Variants in PARD6B observed in about 807,000 individuals in gnomAD.
PARD6B encodes partitioning defective 6 homolog beta.
PARD6B carries 4 observed loss-of-function variants against 10.5 expected under a neutral mutation model. The observed-to-expected ratio is 0.38, with a 90% CI of 0.19 to 0.87. The LOEUF is 0.87. PARD6B is among the 40% of genes least tolerant of loss of function. The probability of loss-of-function intolerance (pLI) is 0.41; values close to 1 mark genes in which losing one functional copy is unlikely to be tolerated. For missense variants in PARD6B, 396 were observed against 470.6 expected (o/e 0.84, Z 1.47); for synonymous variants, 169 against 170.4 (o/e 0.99, Z 0.07).
In PARD6B at chr20:50,750,283, A is replaced by G. The variant is rs2087594104; in HGVS notation, c.914A>G (p.Gln305Arg). 6.2e-7 allele frequency: 1 copy of G among 1,614,150 alleles called. No individual in the cohort carries two copies. The change falls in exon 3 of 3, where the codon CAG becomes CGG. Residue 305 changes from glutamine (Q) to arginine (R), a missense_variant. This residue lies in a region of PARD6B where 188 missense variants were observed against 169.7 expected (regional missense o/e 1.11). Coordinates refer to ENST00000371610, the MANE Select transcript of PARD6B (RefSeq NM_032521.3). ...ATCATTGAAGACAATGGAGTGCCACAGCAGATTCCAAAAGCTGTTCCTAAT... is the reference window on the plus strand; with the variant it reads ...ATCATTGAAGACAATGGAGTGCCACGGCAGATTCCAAAAGCTGTTCCTAAT... ...DIIIEDNGVPQQIPKAVPNTE... is the reference protein window; with the variant it reads ...DIIIEDNGVPRQIPKAVPNTE...
In PARD6B at chr20:50,751,895, A is replaced by C. The variant is rs2087613681; in HGVS notation, c.*1407A>C. The C allele has an allele frequency of 5.8e-6, 5 of 864,402 alleles. No individual in the cohort carries two copies. Among genetic ancestry groups the C allele is most frequent in the Non-Finnish European group, 6.9e-6 (5 of 721,066 alleles). 53.5% of individuals were successfully genotyped at this position (864,402 alleles called of 1,614,324 possible). On this transcript the variant is annotated 3_prime_UTR_variant, in exon 3 of 3. Transcript: ENST00000371610. Reference sequence around the variant, plus strand: ...TTTTTTGTATTTTTAGTAGAGATGGAGTTTCACCATGTTGGTCAGGTGGGT... The same window carrying C: ...TTTTTTGTATTTTTAGTAGAGATGGCGTTTCACCATGTTGGTCAGGTGGGT...
intron 2 of PARD6B, among the ~76,000 whole-genome samples, chr20:50,746,564 T>C (rs1464611556): frequency 1.3e-5 from 2 of 152,236 alleles, no homozygotes; most frequent in Non-Finnish European, 2.9e-5. Context: ...GACATTCACC[T>C]TTACACTTTA....
chr20:50,735,188 A>C (rs536506738), intron 1 of PARD6B, among the ~76,000 whole-genome samples: 4 of 152,332 alleles, frequency 2.6e-5, no homozygotes, highest in Non-Finnish European at 5.9e-5. Context: ...AGTAGTGTCA[A>C]CATTATTATC....
chr20:50,751,859 G>A lies in PARD6B; in HGVS notation c.*1371G>A, dbSNP rs768642474. 3 of 868,828 alleles carry A rather than the reference G, an allele frequency of 3.5e-6. No homozygotes were observed. The highest frequency in any genetic ancestry group is 4.1e-6 in the Non-Finnish European group (3 of 724,834). 53.8% of individuals were successfully genotyped at this position (868,828 alleles called of 1,614,324 possible). ...TAAGATTACAGGTGTGCGCCAACACGTCTGGCTTATTTTTTTGTATTTTTA... is the reference window on the plus strand; with the variant it reads ...TAAGATTACAGGTGTGCGCCAACACATCTGGCTTATTTTTTTGTATTTTTA... On this transcript the variant is annotated 3_prime_UTR_variant, in exon 3 of 3. Coordinates refer to ENST00000371610, the MANE Select transcript of PARD6B (RefSeq NM_032521.3).
In PARD6B at chr20:50,749,595, C is replaced by G. The variant is rs2087588118; in HGVS notation, c.290-64C>G. 6.0e-6 allele frequency: 8 copies of G among 1,331,952 alleles called. No homozygotes were observed. In the South Asian group the frequency reaches 1.2e-4, roughly 20 times the overall value. 82.5% of individuals were successfully genotyped at this position (1,331,952 alleles called of 1,614,324 possible). ...TTGAGTTATCCTTTCTGTACAGATTCAGCTGCAAGTGAATAGATATTTTTA... is the reference window on the plus strand; with the variant it reads ...TTGAGTTATCCTTTCTGTACAGATTGAGCTGCAAGTGAATAGATATTTTTA... On this transcript the variant is annotated intron_variant, in intron 2 of 2. Transcript: ENST00000371610.
Position 50,752,540 on chromosome 20 carries a change from G to A in PARD6B, c.*2052G>A, listed in dbSNP as rs1569000198. On this transcript the variant is annotated 3_prime_UTR_variant, in exon 3 of 3. Transcript: ENST00000371610. ...TCCTTGCCTGATTTTATTGTACAGT[G>A]TGCACAAGCACAATGGTATGCTTGT... 1 of 918,990 alleles carries A rather than the reference G, an allele frequency of 1.1e-6. No homozygotes were observed. The highest frequency in any genetic ancestry group is 2.6e-5 in the African/African-American group (1 of 37,948). The allele number at this position is 918,990 out of a possible 1,614,324, so 56.9% of individuals were successfully genotyped here.
At chr20:50,744,587 C>T (rs2087554607) in intron 2 of PARD6B, among the ~76,000 whole-genome samples, 1 of 152,146 alleles carries the variant, frequency 6.6e-6, no homozygotes, top group African/African-American at 2.4e-5. Flanking sequence ...CCCAGGAGGC[C>T]CTGTTTGTCT....
Position 50,750,144 on chromosome 20 carries a change from A to C in PARD6B, c.775A>C (p.Ser259Arg), listed in dbSNP as rs776994969. 6 of 1,614,144 alleles carry C rather than the reference A, an allele frequency of 3.7e-6. No homozygotes were observed. The Admixed American group carries it at 5.0e-5, about 13-fold the overall frequency. ...ANQRNNVVRNSRTSGSSGQST... is the reference protein window; with the variant it reads ...ANQRNNVVRNRRTSGSSGQST... ...CCAGAGGAATAATGTTGTGAGGAAC[A>C]GTCGGACTTCTGGCAGTTCCGGTCA... The change falls in exon 3 of 3, where the codon AGT becomes CGT. Residue 259 changes from serine (S) to arginine (R), a missense_variant. Ser to Arg is a moderately radical substitution (Grantham distance 110). Coordinates refer to ENST00000371610, the MANE Select transcript of PARD6B (RefSeq NM_032521.3).
chr20:50,750,423 G>C lies in PARD6B; in HGVS notation c.1054G>C (p.Glu352Gln). Reference sequence around the variant, plus strand: ...AGCCATAGCAAGCAGCTCAAACACGGAATTTGAAACACATGCTCCAGATCA... The same window carrying C: ...AGCCATAGCAAGCAGCTCAAACACGCAATTTGAAACACATGCTCCAGATCA... ...LAAIASSSNT[E>Q]FETHAPDQKL... Residue 352 changes from glutamate (E) to glutamine (Q), a missense_variant, in exon 3 of 3, where the codon GAA becomes CAA. By Grantham distance (29) the Glu-to-Gln change is conservative. Around this residue, in one of 2 missense-constraint regions of PARD6B, gnomAD observed 188 missense variants for 169.7 expected, o/e 1.11. Transcript: ENST00000371610. 1 of 1,614,168 alleles carries C rather than the reference G, an allele frequency of 6.2e-7. No homozygotes were observed. Among genetic ancestry groups the C allele is most frequent in the Non-Finnish European group, 8.5e-7 (1 of 1,180,044 alleles).
chr20:50,752,653 T>C lies in PARD6B; in HGVS notation c.*2165T>C, dbSNP rs754441075. On this transcript the variant is annotated 3_prime_UTR_variant, in exon 3 of 3. Transcript: ENST00000371610. ...TTAATTAACTTTATGGTAGGGCTAG[T>C]ATGAATACCTTTTTAACAATTGTGT... is the stretch of plus-strand genomic sequence containing the variant. The C allele has an allele frequency of 3.1e-6, 3 of 978,966 alleles. No homozygotes were observed. The highest frequency in any genetic ancestry group is 3.6e-6 in the Non-Finnish European group (3 of 823,658). 60.6% of individuals were successfully genotyped at this position (978,966 alleles called of 1,614,324 possible).
At chr20:50,743,943 TACTC>T (rs1393778354) in intron 2 of PARD6B, among the ~76,000 whole-genome samples, 2 of 151,778 alleles carry the variant, frequency 1.3e-5, no homozygotes, top group South Asian at 4.2e-4. Context: ...TGACACCAGT[TACTC>T]ACAACAGAAA....
At chr20:50,734,217 G>A (rs2087487353) in intron 1 of PARD6B, among the ~76,000 whole-genome samples, 1 of 152,128 alleles carries the variant, frequency 6.6e-6, no homozygotes, top group South Asian at 2.1e-4. Flanking sequence ...TGAAACATTT[G>A]TCACCTTAAC....
At chr20:50,744,889 T>C (rs536628074) in intron 2 of PARD6B, among the ~76,000 whole-genome samples, 20 of 152,290 alleles carry the variant, frequency 1.3e-4, no homozygotes, top group Non-Finnish European at 2.6e-4. Flanking sequence ...CTCAGCACCT[T>C]TGTTATAATT....
intron 1 of PARD6B, among the ~76,000 whole-genome samples, chr20:50,735,713 G>A (rs1403002486): frequency 2.0e-5 from 3 of 152,088 alleles, no homozygotes; most frequent in Non-Finnish European, 4.4e-5. Flanking sequence ...AATATACCAT[G>A]AAGCCATACA....
chr20:50,736,906 G>T (rs1020217596), intron 1 of PARD6B, among the ~76,000 whole-genome samples: 4 of 152,198 alleles, frequency 2.6e-5, no homozygotes, highest in Admixed American at 6.5e-5. Context: ...TGCCATGTTG[G>T]CTAGGCTGGT....
intron 2 of PARD6B, among the ~76,000 whole-genome samples, chr20:50,739,437 C>CA (rs1366438319): frequency 6.6e-6 from 1 of 151,876 alleles, no homozygotes; most frequent in African/African-American, 2.4e-5. Flanking sequence ...CAAGACTCCT[C>CA]AAAAAAATTT....
rs555410912 is a variant in PARD6B, at chr20:50,731,989, T to G, written c.66+137T>G. On this transcript the variant is annotated intron_variant, in intron 1 of 2. Transcript: ENST00000371610. ...TCTGGACGGTGCGGTCGGGAGACTG[T>G]GGGTAATAAACTTGCCGAGGAGGGG... 17 of 565,142 alleles carry G rather than the reference T, an allele frequency of 3.0e-5. No individual in the cohort carries two copies. The Admixed American group carries it at 4.5e-4, about 15-fold the overall frequency. 35.0% of individuals were successfully genotyped at this position (565,142 alleles called of 1,614,324 possible).
intron 1 of PARD6B, among the ~76,000 whole-genome samples, chr20:50,735,480 C>G (rs183440560): frequency 4.2e-4 from 64 of 152,310 alleles, no homozygotes; most frequent in Non-Finnish European, 8.4e-4. Flanking sequence ...CCAACAGACA[C>G]TGGGGGAAGG....
intron 2 of PARD6B, among the ~76,000 whole-genome samples, chr20:50,747,471 TTC>T (rs2087574062): frequency 2.7e-5 from 4 of 147,190 alleles, no homozygotes; most frequent in African/African-American, 7.5e-5. Context: ...TCTTTTCTTT[TTC>T]TTTTTTTCTT....
Sources: allele counts gnomAD v4.1 joint callset (sites outside exome capture counted in the v4.1 genomes callset), GRCh38; gene constraint gnomAD v4.1.1; regional missense constraint gnomAD v4.1.1; transcripts MANE v1.5; gene names NCBI Gene and HGNC (gene_info 2026-07-23, HGNC 2026-07-21).